CA10: variants seen among roughly 807,000 people sequenced by gnomAD.
The protein encoded by CA10 is carbonic anhydrase 10 (inactive).
Under a neutral mutation model 44.2 loss-of-function variants are expected in CA10, and 14 were observed. The ratio of observed to expected loss-of-function variants is 0.32; its 90% CI spans 0.21 to 0.50. CA10 has a LOEUF of 0.50. Ranked by LOEUF, CA10 falls within the 20% of genes least tolerant of loss-of-function variation. The pLI, the probability that CA10 is intolerant of heterozygous loss-of-function variation, is 0.99. For missense variants in CA10, 350 were observed against 409.7 expected (o/e 0.85, Z 1.26); for synonymous variants, 159 against 141.6 (o/e 1.12, Z -0.87).
intron 1 of CA10, among the ~76,000 whole-genome samples, chr17:52,105,954 A>G (rs1294584436): frequency 1.3e-5 from 2 of 152,236 alleles, no homozygotes; most frequent in African/African-American, 4.8e-5. Flanking sequence ...ATGCTCAGTA[A>G]ATGCCAGCTG....
At chr17:51,712,468 A>T (rs1006735345) in intron 4 of CA10, among the ~76,000 whole-genome samples, 3 of 152,242 alleles carry the variant, frequency 2.0e-5, no homozygotes, top group Admixed American at 6.5e-5. Flanking sequence ...CTTTGGAAAA[A>T]TTTCAGAAAA....
chr17:51,986,128 A>G (rs957284947), intron 2 of CA10, among the ~76,000 whole-genome samples: 4 of 152,150 alleles, frequency 2.6e-5, no homozygotes, highest in Non-Finnish European at 5.9e-5. Flanking sequence ...AACAGTCAAC[A>G]AAACAACATG....
chr17:51,836,402 C>T (rs1908478215), intron 3 of CA10, among the ~76,000 whole-genome samples: 2 of 152,310 alleles, frequency 1.3e-5, no homozygotes, highest in South Asian at 2.1e-4. Context: ...GGTAGCAGGA[C>T]CCAACGTGGA....
At chr17:51,961,440 AAG>A (rs149292313) in intron 2 of CA10, among the ~76,000 whole-genome samples, 21,301 of 152,074 alleles carry the variant, frequency 0.14, 1,855 homozygotes, top group South Asian at 0.32. Flanking sequence ...AGCAAAGAAA[AAG>A]AGAAATGTCA....
At chr17:52,032,445 A>G (rs1404098966) in intron 2 of CA10, among the ~76,000 whole-genome samples, 3 of 152,184 alleles carry the variant, frequency 2.0e-5, no homozygotes, top group Non-Finnish European at 4.4e-5. Flanking sequence ...TAATTATCTC[A>G]TGAAACTTCA....
intron 3 of CA10, among the ~76,000 whole-genome samples, chr17:51,841,880 A>G (rs1425928638): frequency 6.6e-6 from 1 of 152,214 alleles, no homozygotes; most frequent in Admixed American, 6.5e-5. Context: ...TTGCTTCATC[A>G]GCAGTTCCAT....
rs770874732 is a variant in CA10 at position 51,931,140 on chromosome 17, C to T, written c.137-8G>A. ...ATCCCCAGAAAGAAGGAACTAGAAA[C>T]AAAAAGAAATTATAGAATTAGGCTG... On this transcript the variant is annotated splice_polypyrimidine_tract_variant and splice_region_variant and intron_variant, in intron 2 of 8. Transcript: ENST00000451037. 1.2e-6 allele frequency: 2 copies of T among 1,611,876 alleles called. No homozygotes were observed. Among genetic ancestry groups the T allele is most frequent in the Non-Finnish European group, 1.7e-6 (2 of 1,179,190 alleles).
chr17:51,716,676 C>T (rs1324635182), intron 4 of CA10, among the ~76,000 whole-genome samples: 1 of 152,138 alleles, frequency 6.6e-6, no homozygotes, highest in African/African-American at 2.4e-5. Context: ...GCAGTTCCCT[C>T]CATAGCATCT....
At chr17:52,103,720 A>G (rs1988593474) in intron 1 of CA10, among the ~76,000 whole-genome samples, 1 of 152,252 alleles carries the variant, frequency 6.6e-6, no homozygotes, top group Non-Finnish European at 1.5e-5. Flanking sequence ...TCATATACAC[A>G]AAATGAAGGG....
chr17:51,933,840 T>C (rs1017157151), intron 2 of CA10, among the ~76,000 whole-genome samples: 1 of 152,156 alleles, frequency 6.6e-6, no homozygotes, highest in African/African-American at 2.4e-5. Context: ...AGACTGCTAT[T>C]ATGTGGCAAC....
At chr17:51,634,791 C>T (rs1427474844) in intron 7 of CA10, among the ~76,000 whole-genome samples, 2 of 152,198 alleles carry the variant, frequency 1.3e-5, no homozygotes, top group Non-Finnish European at 2.9e-5. Context: ...CCCCAGAAAT[C>T]CTTCAACAAT....
chr17:52,084,706 C>T (rs1203468322), intron 1 of CA10, among the ~76,000 whole-genome samples: 1 of 152,180 alleles, frequency 6.6e-6, no homozygotes, highest in African/African-American at 2.4e-5. Context: ...CAACTGTCTT[C>T]TGCCCCTGTG....
At chr17:51,917,207 C>A (rs1039569163) in intron 3 of CA10, among the ~76,000 whole-genome samples, 3 of 144,024 alleles carry the variant, frequency 2.1e-5, no homozygotes, top group Admixed American at 1.4e-4. Context: ...TTCAAGTCAC[C>A]ACCTTGATGG....
At chr17:52,020,899 GT>G (rs1243197866) in intron 2 of CA10, among the ~76,000 whole-genome samples, 1 of 151,980 alleles carries the variant, frequency 6.6e-6, no homozygotes, top group Non-Finnish European at 1.5e-5. Context: ...TGTACATGTA[GT>G]ATTTGGGTTT....
intron 1 of CA10, among the ~76,000 whole-genome samples, chr17:52,157,223 T>C (rs372425862): frequency 6.6e-5 from 10 of 152,216 alleles, no homozygotes; most frequent in African/African-American, 2.4e-4. Context: ...CTGATGTGTT[T>C]GGGTAAGGCA....
At chr17:52,028,185 C>A (rs544467829) in intron 2 of CA10, among the ~76,000 whole-genome samples, 136 of 152,276 alleles carry the variant, frequency 8.9e-4, no homozygotes, top group Admixed American at 8.9e-3. Context: ...ATGTTATTAA[C>A]AAAATGCAGA....
At chr17:52,010,312 C>T (rs191142350) in intron 2 of CA10, among the ~76,000 whole-genome samples, 2 of 152,094 alleles carry the variant, frequency 1.3e-5, no homozygotes, top group African/African-American at 4.8e-5. Context: ...ATGTTTACAG[C>T]AGCACAATTT....
At chr17:51,871,060 T>TCCCAC (rs1979784849) in intron 3 of CA10, among the ~76,000 whole-genome samples, 1 of 102,378 alleles carries the variant, frequency 9.8e-6, no homozygotes, top group East Asian at 2.2e-4. Flanking sequence ...CTTTTTTTTT[T>TCCCAC]TTTTTTTTTT....
intron 2 of CA10, among the ~76,000 whole-genome samples, chr17:52,062,212 C>A (rs1315528712): frequency 6.6e-6 from 1 of 151,840 alleles, no homozygotes; most frequent in Non-Finnish European, 1.5e-5. Flanking sequence ...GGATTACAGG[C>A]ACCCACCACC....
Sources: gnomAD v4.1 joint callset for allele counts (sites outside exome capture counted in the v4.1 genomes callset) on GRCh38, gnomAD v4.1.1 for gene constraint, MANE v1.5 for transcripts, NCBI Gene and HGNC (gene_info 2026-07-23, HGNC 2026-07-21) for gene names.